Variants in AK7 observed in about 807,000 individuals in gnomAD.
AK7 encodes adenylate kinase 7, also known as ATP-AMP transphosphorylase 7.
AK7 carries 78 observed loss-of-function variants against 96.6 expected under a neutral mutation model. That is an observed-to-expected ratio of 0.81 (90% confidence interval 0.67 to 0.97). The LOEUF is 0.97. Ranked by LOEUF, AK7 falls within the 50% of genes least tolerant of loss-of-function variation. AK7 has a pLI of 0.00. For synonymous variants in AK7, 302 were observed against 317.2 expected, an observed-to-expected ratio of 0.95 and a Z score of 0.51; for missense variants, 855 against 887.9, an observed-to-expected ratio of 0.96 and a Z score of 0.47.
chr14:96,424,977 A>G (rs1255856125), intron 5 of AK7, among the ~76,000 whole-genome samples: 1 of 152,192 alleles, frequency 6.6e-6, no homozygotes, highest in Non-Finnish European at 1.5e-5. Flanking sequence ...ACAAAACCTT[A>G]CACTTGTCAT....
chr14:96,447,020 A>G (rs1244833197), intron 8 of AK7, among the ~76,000 whole-genome samples: 1 of 152,178 alleles, frequency 6.6e-6, no homozygotes. Flanking sequence ...CAAAACTGGG[A>G]CTCCTAAGAA....
At chr14:96,456,237 T>C (rs1414953076) in intron 10 of AK7, 110 bp from the exon 11 acceptor site, 9 of 830,152 alleles carry the variant, frequency 1.1e-5, no homozygotes, top group Admixed American at 4.3e-5. Context: ...AGACTCTGTC[T>C]CAAAAAAAAA....
At chr14:96,467,056 A>AG (rs1306830845) in intron 12 of AK7, among the ~76,000 whole-genome samples, 6 of 152,046 alleles carry the variant, frequency 3.9e-5, no homozygotes, top group East Asian at 3.9e-4. Flanking sequence ...TAAAAAAAAA[A>AG]AAAAAAGGCA....
chr14:96,412,213 C>T (rs114121917), intron 4 of AK7, among the ~76,000 whole-genome samples: 2,343 of 139,156 alleles, frequency 0.017, 59 homozygotes, highest in African/African-American at 0.06. Context: ...GTACTTTCTT[C>T]CTTTCTTTCT....
intron 5 of AK7, among the ~76,000 whole-genome samples, chr14:96,425,480 ATTTTTTT>A (rs35861988): frequency 8.4e-6 from 1 of 119,142 alleles, no homozygotes; most frequent in African/African-American, 3.2e-5. Context: ...AGTCACACTG[ATTTTTTT>A]TTTTTTTTTT....
intron 17 of AK7, among the ~76,000 whole-genome samples, chr14:96,487,548 C>A (rs2140188794): frequency 6.6e-6 from 1 of 151,020 alleles, no homozygotes; most frequent in Non-Finnish European, 1.5e-5. Flanking sequence ...CCTGCCTCAG[C>A]CTCCTGAGTA....
chr14:96,438,062 C>T, intron 6 of AK7, 147 bp downstream of exon 6: 1 of 577,532 alleles, frequency 1.7e-6, no homozygotes, highest in East Asian at 3.0e-5. Flanking sequence ...CCACAAAGAC[C>T]TACGTTTCTT....
chr14:96,444,903 A>C (rs113974616), intron 7 of AK7, among the ~76,000 whole-genome samples: 2,530 of 152,198 alleles, frequency 0.017, 68 homozygotes, highest in African/African-American at 0.057. Flanking sequence ...TTTTTAGTAG[A>C]GACAGGGTTT....
intron 10 of AK7, among the ~76,000 whole-genome samples, chr14:96,454,546 C>T (rs992854030): frequency 5.3e-5 from 8 of 151,858 alleles, no homozygotes; most frequent in African/African-American, 1.7e-4. Context: ...GGTAGGACCA[C>T]GACTCACTGC....
At chr14:96,456,519 G>T (rs781654580) in intron 11 of AK7, 44 bp downstream of exon 11, 4 of 1,595,094 alleles carry the variant, frequency 2.5e-6, no homozygotes, top group African/African-American at 2.7e-5. Context: ...ATTAATTACT[G>T]TATTGTTCTT....
intron 12 of AK7, among the ~76,000 whole-genome samples, chr14:96,463,168 A>G (rs191503894): frequency 1.4e-4 from 22 of 151,858 alleles, no homozygotes; most frequent in Admixed American, 1.2e-3. Flanking sequence ...ACAAACAAAC[A>G]AAAAACCAGT....
At chr14:96,434,885 A>T (rs1274658150) in intron 5 of AK7, among the ~76,000 whole-genome samples, 1 of 152,174 alleles carries the variant, frequency 6.6e-6, no homozygotes, top group East Asian at 1.9e-4. Flanking sequence ...GGCCACAAGG[A>T]GTACTGACAG....
chr14:96,471,627 T>G (rs754272552), intron 13 of AK7, 21 bp downstream of exon 13: 2 of 1,505,366 alleles, frequency 1.3e-6, no homozygotes, highest in South Asian at 1.4e-5. Flanking sequence ...GTGTTCTATT[T>G]TGAGTATTTA....
At chr14:96,470,952 G>A (rs528577940) in intron 12 of AK7, among the ~76,000 whole-genome samples, 10 of 152,200 alleles carry the variant, frequency 6.6e-5, no homozygotes, top group African/African-American at 2.4e-4. Flanking sequence ...TGCAGACATC[G>A]GCACTCGCCC....
At chr14:96,466,346 C>G (rs1595450935) in intron 12 of AK7, among the ~76,000 whole-genome samples, 1 of 152,070 alleles carries the variant, frequency 6.6e-6, no homozygotes, top group Non-Finnish European at 1.5e-5. Flanking sequence ...ACACCATTCT[C>G]CTGCCTCAGC....
At position 96,475,932 on chromosome 14, in the gene AK7, TCATGC is replaced by T. The variant is rs1281595015; in HGVS notation, c.1556-2530_1556-2526del. ...AGGTCAAGGCGGTGGTGAGCCTTGATCATGCCACGGCACTTCAGCCTGGGTGACAG... is the reference window on the plus strand; with the variant it reads ...AGGTCAAGGCGGTGGTGAGCCTTGATCACGGCACTTCAGCCTGGGTGACAG... On this transcript the variant is annotated intron_variant, in intron 14 of 17. Coordinates refer to ENST00000267584, the MANE Select transcript of AK7 (RefSeq NM_152327.5). Among the ~76,000 whole-genome samples, 15 of 150,340 alleles carry T rather than the reference TCATGC, an allele frequency of 1.0e-4. No individual in the cohort carries two copies. In the East Asian group the frequency reaches 2.9e-3, roughly 30 times the overall value.
intron 2 of AK7, among the ~76,000 whole-genome samples, chr14:96,401,124 C>T (rs1890385025): frequency 6.6e-6 from 1 of 152,150 alleles, no homozygotes; most frequent in South Asian, 2.1e-4. Flanking sequence ...TCTCACTACT[C>T]ACCTGAATTT....
Position 96,471,598 on chromosome 14 carries a change from T to C in AK7, c.1478T>C (p.Leu493Pro). ...AAGACCTATGATCAAGCAAAAGACC[T>C]GTTCAATCGTAAGTTTGAGTGTTCT... is the stretch of plus-strand genomic sequence containing the variant. ...FPKTYDQAKD[L>P]FNQEDEEEED... The change falls in exon 13 of 18, where the codon CTG (leucine) becomes CCG (proline). Residue 493 changes from leucine to proline, a missense_variant. Leu to Pro is a moderately conservative substitution (Grantham distance 98). Transcript: ENST00000267584. The C allele has an allele frequency of 6.4e-7, 1 of 1,554,294 alleles. No individual in the cohort carries two copies. The highest frequency in any genetic ancestry group is 8.7e-7 in the Non-Finnish European group (1 of 1,154,566).
intron 4 of AK7, among the ~76,000 whole-genome samples, chr14:96,419,256 C>T (rs948585608): frequency 2.0e-5 from 3 of 151,944 alleles, no homozygotes; most frequent in African/African-American, 7.3e-5. Context: ...ATGCAATGTC[C>T]TTTTTAACAT....
Sources: allele counts gnomAD v4.1 joint callset (sites outside exome capture counted in the v4.1 genomes callset), GRCh38; gene constraint gnomAD v4.1.1; transcripts MANE v1.5; gene names NCBI Gene and HGNC (gene_info 2026-07-23, HGNC 2026-07-21).